The following CELF2 variants were observed in gnomAD, a reference collection of about 807,000 sequenced individuals.
The protein encoded by CELF2 is CUG triplet repeat RNA-binding protein 2.
Under a neutral mutation model 62.6 loss-of-function variants are expected in CELF2, and 8 were observed. That is an observed-to-expected ratio of 0.13 (90% CI 0.07 to 0.23). The LOEUF (loss-of-function observed/expected upper bound fraction) is 0.23. Ranked by LOEUF, CELF2 falls within the 10% of genes least tolerant of loss-of-function variation. The probability of loss-of-function intolerance (pLI) is 1.00; values close to 1 mark genes in which losing one functional copy is unlikely to be tolerated. For synonymous variants in CELF2, 258 were observed against 250.0 expected (o/e 1.03, Z -0.30); for missense variants, 333 against 671.0 (o/e 0.50, Z 5.56).
At chr10:11,122,933 A>G (rs1190157343) in intron 1 of CELF2, among the ~76,000 whole-genome samples, 1 of 152,178 alleles carries the variant, frequency 6.6e-6, no homozygotes, top group Admixed American at 6.5e-5. Flanking sequence ...TCCCTGGAGG[A>G]GGCAGGAGAG....
At chr10:11,148,018 T>C (rs1477785548) in intron 1 of CELF2, among the ~76,000 whole-genome samples, 1 of 152,200 alleles carries the variant, frequency 6.6e-6, no homozygotes, top group Non-Finnish European at 1.5e-5. Context: ...GTAAGATAGA[T>C]TTTACATTAA....
At chr10:10,979,632 C>A in intron 2 of CELF2, among the ~76,000 whole-genome samples, 1 of 144,700 alleles carries the variant, frequency 6.9e-6, no homozygotes, top group Non-Finnish European at 1.5e-5. Context: ...GATCATGCCA[C>A]TGCACTCCAG....
At position 11,189,249 on chromosome 10, in the gene CELF2, C is replaced by T. The variant is rs143465596; in HGVS notation, c.271+23567C>T. ...TGTGCATTGATCATCACTGGATACTCAAGAGGGACCTCTGCAGATCTCTTT... is the reference window on the plus strand; with the variant it reads ...TGTGCATTGATCATCACTGGATACTTAAGAGGGACCTCTGCAGATCTCTTT... On this transcript the variant is annotated intron_variant, in intron 2 of 12. Coordinates refer to ENST00000633077, the MANE Select transcript of CELF2 (RefSeq NM_001326342.2). Among the ~76,000 whole-genome samples, 200 of 152,214 alleles carry T rather than the reference C, an allele frequency of 1.3e-3. 1 individual carries two copies. Among genetic ancestry groups the T allele is most frequent in the African/African-American group, 4.7e-3 (194 of 41,538 alleles).
intron 2 of CELF2, among the ~76,000 whole-genome samples, chr10:11,176,010 T>C (rs1016632163): frequency 6.6e-6 from 1 of 152,190 alleles, no homozygotes; most frequent in Non-Finnish European, 1.5e-5. Context: ...ATGTGTGTTC[T>C]TGTGCGCGTG....
chr10:10,916,636 A>G (rs559151099), intron 1 of CELF2, among the ~76,000 whole-genome samples: 4 of 152,300 alleles, frequency 2.6e-5, no homozygotes, highest in South Asian at 2.1e-4. Flanking sequence ...GTTTTGAGAC[A>G]GAGTTTTGCT....
chr10:11,140,811 T>C (rs553273405), intron 1 of CELF2, among the ~76,000 whole-genome samples: 2 of 152,166 alleles, frequency 1.3e-5, no homozygotes, highest in East Asian at 3.9e-4. Flanking sequence ...GAGCCCGAGA[T>C]TTCAAGACCA....
chr10:10,964,044 G>T (rs2049848960), intron 2 of CELF2, among the ~76,000 whole-genome samples: 1 of 152,124 alleles, frequency 6.6e-6, no homozygotes, highest in Non-Finnish European at 1.5e-5. Context: ...AAAGATATTA[G>T]AATAGATATT....
At position 11,186,420 on chromosome 10, in the gene CELF2, C is replaced by T. The variant is rs949746230; in HGVS notation, c.271+20738C>T. On this transcript the variant is annotated intron_variant, in intron 2 of 12. Coordinates refer to ENST00000633077, the MANE Select transcript of CELF2 (RefSeq NM_001326342.2). ...ACTTTTAAGATGAAAGCTGAGGTTA[C>T]TGATTTGAAATCTTTTTTTCTCCAA... is the stretch of plus-strand genomic sequence containing the variant. Among the ~76,000 whole-genome samples, 32 of 150,880 alleles carry T rather than the reference C, an allele frequency of 2.1e-4. 1 individual carries two copies. The highest frequency in any genetic ancestry group is 2.4e-4 in the Non-Finnish European group (16 of 67,816).
At chr10:10,810,448 C>T (rs753793064) in intron 1 of CELF2, among the ~76,000 whole-genome samples, 1 of 152,124 alleles carries the variant, frequency 6.6e-6, no homozygotes, top group Non-Finnish European at 1.5e-5. Flanking sequence ...TTCTTTGCAG[C>T]CTCAGGTAGC....
chr10:10,817,018 T>C (rs779566906), intron 1 of CELF2, among the ~76,000 whole-genome samples: 12 of 152,196 alleles, frequency 7.9e-5, no homozygotes, highest in Non-Finnish European at 1.6e-4. Flanking sequence ...AACAACTGAC[T>C]TGGAAGCTGA....
intron 3 of CELF2, among the ~76,000 whole-genome samples, chr10:11,236,909 AAT>A (rs1311892655): frequency 1.3e-5 from 2 of 152,216 alleles, no homozygotes; most frequent in Non-Finnish European, 2.9e-5. Context: ...AGAGTGATGG[AAT>A]AATGCGAAAT....
In CELF2 at chr10:10,931,175, C is replaced by T. The variant is rs111786289; in HGVS notation, c.89+11176C>T. The stretch of plus-strand genomic sequence containing the variant: ...TCCTTTTCCTTCTTTCTGGCGAATA[C>T]GCAGTTTTCCTTTTGGACTGAAACC... On this transcript the variant is annotated intron_variant, in intron 2 of 13. Transcript: ENST00000636488. This position sits in a 1 kb window ranked among gnomAD's most constrained non-coding sequence, Gnocchi z 6.1. 0.01 allele frequency among the ~76,000 whole-genome samples: 1,580 copies of T among 152,228 alleles called. 21 individuals are homozygous for T. Among genetic ancestry groups the T allele is most frequent in the African/African-American group, 0.03 (1,265 of 41,530 alleles).
At chr10:11,226,600 C>CCACACA (rs59521803) in intron 3 of CELF2, among the ~76,000 whole-genome samples, 18 of 25,962 alleles carry the variant, frequency 6.9e-4, no homozygotes, top group Admixed American at 1.2e-3. Context: ...CAGGCAGTGG[C>CCACACA]CACACACACA....
intron 1 of CELF2, among the ~76,000 whole-genome samples, chr10:10,872,537 C>G (rs1272428126): frequency 6.6e-6 from 1 of 152,138 alleles, no homozygotes; most frequent in African/African-American, 2.4e-5. Flanking sequence ...AACATTTATG[C>G]TTACCATTAA....
At chr10:10,745,542 TTG>T in the CELF2 span, among the ~76,000 whole-genome samples, 1 of 152,102 alleles carries the variant, frequency 6.6e-6, no homozygotes, top group Non-Finnish European at 1.5e-5. Context: ...GGGCTTCGAG[TTG>T]TGTGTTGTGT....
chr10:11,284,014 G>C, intron 8 of CELF2, among the ~76,000 whole-genome samples: 1 of 151,080 alleles, frequency 6.6e-6, no homozygotes, highest in Admixed American at 6.6e-5. Flanking sequence ...ATGAGTGTGT[G>C]GTGGGTGGAT....
Position 11,211,993 on chromosome 10 carries a change from A to G in CELF2, c.272-5432A>G, listed in dbSNP as rs528294329. Among the ~76,000 whole-genome samples, 268 of 152,296 alleles carry G rather than the reference A, an allele frequency of 1.8e-3. 1 individual carries two copies. The highest frequency in any genetic ancestry group is 6.8e-3 in the Middle Eastern group (2 of 294). On this transcript the variant is annotated intron_variant, in intron 2 of 12. Coordinates refer to ENST00000633077, the MANE Select transcript of CELF2 (RefSeq NM_001326342.2). The surrounding 1 kb of genome is among the most constrained non-coding windows in gnomAD (Gnocchi z 4.8). ...CAGCAGAAACTATTAGTGAAAAAATATAGCGAGACACCAGCTACCCTGTGT... is the reference window on the plus strand; with the variant it reads ...CAGCAGAAACTATTAGTGAAAAAATGTAGCGAGACACCAGCTACCCTGTGT...
the CELF2 span, among the ~76,000 whole-genome samples, chr10:10,616,568 G>A: frequency 3.3e-5 from 5 of 151,964 alleles, no homozygotes; most frequent in South Asian, 1.0e-3. Context: ...TGTGGGTCTT[G>A]GCATTATGCA....
intron 2 of CELF2, among the ~76,000 whole-genome samples, chr10:10,974,126 A>G (rs1037163528): frequency 1.3e-5 from 2 of 152,238 alleles, no homozygotes; most frequent in African/African-American, 4.8e-5. Context: ...TAAACTGAGT[A>G]TAGAAATATC....
Sources: allele counts gnomAD v4.1 joint callset (sites outside exome capture counted in the v4.1 genomes callset), GRCh38; gene constraint gnomAD v4.1.1; non-coding constraint Gnocchi (gnomAD v3.1); transcripts MANE v1.5; gene names NCBI Gene and HGNC (gene_info 2026-07-23, HGNC 2026-07-21).